GALNT14: variants seen among roughly 807,000 people sequenced by gnomAD.
GALNT14 encodes UDP-GalNAc:polypeptide N-acetylgalactosaminyltransferase 14.
A neutral mutation model predicts 77.5 loss-of-function variants in GALNT14; 60 were observed. That is an observed-to-expected ratio of 0.77 (90% confidence interval 0.63 to 0.96). The LOEUF is 0.96. Ranked by LOEUF, GALNT14 falls within the 40% of genes least tolerant of loss-of-function variation. The pLI is 0.00. For synonymous variants in GALNT14, 280 were observed against 281.7 expected (o/e 0.99, Z 0.06); for missense variants, 710 against 731.0 (o/e 0.97, Z 0.33).
intron 1 of GALNT14, among the ~76,000 whole-genome samples, chr2:31,052,815 C>T (rs1190514067): frequency 3.3e-5 from 5 of 152,192 alleles, no homozygotes; most frequent in African/African-American, 9.7e-5. Flanking sequence ...AGATCAACTA[C>T]AAAACATCTC....
chr2:30,895,177 T>C, the GALNT14 span, among the ~76,000 whole-genome samples: 1 of 152,186 alleles, frequency 6.6e-6, no homozygotes, highest in African/African-American at 2.4e-5. Context: ...GCTGGCTCTA[T>C]TCAGGTTCAA....
At chr2:30,984,713 C>T (rs1333469123) in intron 2 of GALNT14, among the ~76,000 whole-genome samples, 1 of 152,164 alleles carries the variant, frequency 6.6e-6, no homozygotes, top group Non-Finnish European at 1.5e-5. Flanking sequence ...TCCTACGTGC[C>T]CCACTCGCCA....
intron 1 of GALNT14, among the ~76,000 whole-genome samples, chr2:31,120,388 T>C (rs891008027): frequency 1.3e-5 from 2 of 152,210 alleles, no homozygotes; most frequent in South Asian, 2.1e-4. Flanking sequence ...ATGTTGCTTA[T>C]CTCAAAGGGG....
intron 1 of GALNT14, among the ~76,000 whole-genome samples, chr2:31,054,155 G>T (rs146406964): frequency 6.6e-6 from 1 of 152,192 alleles, no homozygotes. Context: ...AGGCCACTTC[G>T]AGGAAGTCCA....
intron 2 of GALNT14, among the ~76,000 whole-genome samples, chr2:30,966,524 T>A (rs2148343464): frequency 6.6e-6 from 1 of 152,288 alleles, no homozygotes; most frequent in African/African-American, 2.4e-5. Context: ...TCTACCACCT[T>A]GGGGGAACCT....
the GALNT14 span, among the ~76,000 whole-genome samples, chr2:30,896,588 A>G: frequency 6.6e-6 from 1 of 152,210 alleles, no homozygotes; most frequent in Admixed American, 6.5e-5. Context: ...CTCTAAGAAC[A>G]ATGCTGGGGA....
intron 1 of GALNT14, among the ~76,000 whole-genome samples, chr2:31,131,737 C>T (rs1679004015): frequency 6.6e-6 from 1 of 152,172 alleles, no homozygotes; most frequent in Non-Finnish European, 1.5e-5. Flanking sequence ...TCCTGGGCTT[C>T]AGGCGTCAGC....
intron 1 of GALNT14, among the ~76,000 whole-genome samples, chr2:31,077,249 A>T (rs1240943694): frequency 6.6e-6 from 1 of 152,188 alleles, no homozygotes; most frequent in Non-Finnish European, 1.5e-5. Flanking sequence ...AATGAAGGAG[A>T]GTCCTATTTT....
At chr2:30,952,614 G>A (rs1667093532) in intron 6 of GALNT14, among the ~76,000 whole-genome samples, 2 of 115,898 alleles carry the variant, frequency 1.7e-5, no homozygotes, top group South Asian at 7.4e-4. Flanking sequence ...CTGTGGTGGG[G>A]TGGGGGGAGG....
rs76578714 is a variant in GALNT14 at position 30,978,476 on chromosome 2, A to G, written c.300-12174T>C. On this transcript the variant is annotated intron_variant, in intron 2 of 14. Transcript: ENST00000349752. Reference sequence around the variant, plus strand: ...ATAGCAAAGTTGTGAGGCTGAACCGAGAGAACATATATATGGTGCCTCCCA... The same window carrying G: ...ATAGCAAAGTTGTGAGGCTGAACCGGGAGAACATATATATGGTGCCTCCCA... Among the ~76,000 whole-genome samples the G allele has an allele frequency of 5.0e-3, 761 of 152,344 alleles. 17 individuals carry two copies. The highest frequency in any genetic ancestry group is 0.045 in the South Asian group (217 of 4,828).
At chr2:31,078,886 G>C (rs1285393137) in intron 1 of GALNT14, 3 of 1,287,050 alleles carry the variant, frequency 2.3e-6, no homozygotes, top group Non-Finnish European at 3.0e-6. Context: ...GCAAAGCAGG[G>C]TTTGGGGACC....
chr2:31,060,612 G>A (rs1048230552), intron 1 of GALNT14, among the ~76,000 whole-genome samples: 7 of 152,220 alleles, frequency 4.6e-5, no homozygotes, highest in African/African-American at 1.7e-4. Context: ...TGCCCCGCCA[G>A]TCTAGCTGCA....
At chr2:31,029,237 C>G (rs76293674) in intron 1 of GALNT14, among the ~76,000 whole-genome samples, 1 of 152,170 alleles carries the variant, frequency 6.6e-6, no homozygotes, top group Non-Finnish European at 1.5e-5. Context: ...CTCTATGACT[C>G]TTATTTAAAG....
At chr2:31,066,950 G>A (rs183404327) in intron 1 of GALNT14, among the ~76,000 whole-genome samples, 13 of 151,908 alleles carry the variant, frequency 8.6e-5, no homozygotes, top group African/African-American at 1.2e-4. Flanking sequence ...ACCTCACCCC[G>A]ACATTGCCCA....
the GALNT14 span, among the ~76,000 whole-genome samples, chr2:30,890,239 G>C: frequency 1.3e-5 from 2 of 152,306 alleles, no homozygotes; most frequent in African/African-American, 2.4e-5. Flanking sequence ...TGGGAAGATA[G>C]AGAGGAGACT....
intron 4 of GALNT14, 100 bp from the exon 5 acceptor site, chr2:30,956,077 C>A: frequency 8.7e-7 from 1 of 1,150,808 alleles, no homozygotes; most frequent in South Asian, 1.3e-5. Flanking sequence ...GGTGAGGCAG[C>A]CCTGTCCACT....
intron 4 of GALNT14, among the ~76,000 whole-genome samples, chr2:30,956,197 A>C (rs912964563): frequency 3.9e-5 from 6 of 152,186 alleles, no homozygotes; most frequent in Non-Finnish European, 7.3e-5. Flanking sequence ...AAGAGGCCTC[A>C]ACTGGGCCAC....
chr2:30,900,893 C>T, the GALNT14 span, among the ~76,000 whole-genome samples: 2 of 152,142 alleles, frequency 1.3e-5, no homozygotes. Context: ...GCCCTACTAT[C>T]GTTGTATGTT....
At chr2:30,960,173 T>C (rs1035563006) in intron 3 of GALNT14, among the ~76,000 whole-genome samples, 1 of 152,166 alleles carries the variant, frequency 6.6e-6, no homozygotes, top group African/African-American at 2.4e-5. Context: ...GAAAGAAGGC[T>C]GCAGCCTCTG....
Sources: gnomAD v4.1 joint callset for allele counts (sites outside exome capture counted in the v4.1 genomes callset) on GRCh38, gnomAD v4.1.1 for gene constraint, MANE v1.5 for transcripts, NCBI Gene and HGNC (gene_info 2026-07-23, HGNC 2026-07-21) for gene names.